The following MED13L variants were observed in gnomAD, a reference collection of about 807,000 sequenced individuals.
The protein encoded by MED13L is mediator complex subunit 13L, also known as mediator of RNA polymerase II transcription subunit 13-like.
Under a neutral mutation model 220.9 loss-of-function variants are expected in MED13L, and 7 were observed. The observed-to-expected ratio is 0.03, with a 90% CI of 0.02 to 0.06. The LOEUF (loss-of-function observed/expected upper bound fraction) is 0.06, where lower values mean the gene tolerates loss of function less well. MED13L is among the 10% of genes least tolerant of loss of function. MED13L has a pLI of 1.00. For missense variants in MED13L, 1,965 were observed against 2,760.5 expected (o/e 0.71, Z 6.46); for synonymous variants, 1,011 against 1,015.2 (o/e 1.00, Z 0.08).
chr12:116,088,368 T>A (rs1215476606), intron 4 of MED13L, among the ~76,000 whole-genome samples: 1 of 152,152 alleles, frequency 6.6e-6, no homozygotes, highest in Non-Finnish European at 1.5e-5. Context: ...TCCTACACTA[T>A]GTGCATGGTG....
chr12:116,142,386 C>G (rs17608137), intron 2 of MED13L, among the ~76,000 whole-genome samples: 21,780 of 152,086 alleles, frequency 0.14, 2,831 homozygotes, highest in East Asian at 0.39. Context: ...TGTTCCCTAT[C>G]CAAGACAAAA....
intron 4 of MED13L, among the ~76,000 whole-genome samples, chr12:116,063,504 C>T (rs1869676994): frequency 6.6e-6 from 1 of 152,174 alleles, no homozygotes; most frequent in South Asian, 2.1e-4. Context: ...GGCAACAGAA[C>T]AAGACCCTGT....
chr12:116,055,299 T>C (rs56213432), intron 4 of MED13L, among the ~76,000 whole-genome samples: 2 of 152,080 alleles, frequency 1.3e-5, no homozygotes, highest in African/African-American at 2.4e-5. Flanking sequence ...AACATCTTAA[T>C]TGTATATTTC....
At chr12:116,133,617 A>C (rs756402978) in intron 2 of MED13L, among the ~76,000 whole-genome samples, 14 of 152,132 alleles carry the variant, frequency 9.2e-5, no homozygotes, top group African/African-American at 1.2e-4. Flanking sequence ...CCCATATTAC[A>C]TGCCTTTTCT....
At chr12:116,247,725 AT>A (rs1260995492) in intron 1 of MED13L, among the ~76,000 whole-genome samples, 1 of 152,188 alleles carries the variant, frequency 6.6e-6, no homozygotes, top group Non-Finnish European at 1.5e-5. Context: ...ATATGTGCTG[AT>A]TCATAAATGT....
intron 2 of MED13L, among the ~76,000 whole-genome samples, chr12:116,151,958 T>A (rs1398102480): frequency 6.6e-6 from 1 of 152,200 alleles, no homozygotes; most frequent in Non-Finnish European, 1.5e-5. Context: ...AAATCCTACT[T>A]ATCTGGACCC....
In MED13L at chr12:116,237,506, T is replaced by G; in HGVS notation, c.272A>C (p.Glu91Ala). ...ATGTATTACACCCACTAGGTTGGGT[T>G]CATCTCCCCACCAGAATATCCATAA... ...KELWIFWWGDEPNLVGVIHHE... is the reference protein window; with the variant it reads ...KELWIFWWGDAPNLVGVIHHE... The change falls in exon 2 of 31, where the codon GAA becomes GCA. Residue 91 changes from glutamate (E) to alanine (A), a missense_variant. Physicochemically the swap from Glu to Ala is moderately radical, Grantham distance 107. Around this residue, in one of 10 missense-constraint regions of MED13L, gnomAD observed 818 missense variants for 1,041.2 expected, o/e 0.79. Transcript: ENST00000281928. The G allele has an allele frequency of 6.2e-7, 1 of 1,614,182 alleles. No individual in the cohort carries two copies. The highest frequency in any genetic ancestry group is 8.5e-7 in the Non-Finnish European group (1 of 1,179,998).
In MED13L at chr12:115,972,945, T is replaced by C. The variant is rs566998735; in HGVS notation, c.5732-709A>G. On this transcript the variant is annotated intron_variant, in intron 25 of 30. Transcript: ENST00000281928. Reference sequence around the variant, plus strand: ...TGACCTCCCTTACACACACGAAGTATGCGCCATTCCTATGCATCACCCCTG... The same window carrying C: ...TGACCTCCCTTACACACACGAAGTACGCGCCATTCCTATGCATCACCCCTG... Among the ~76,000 whole-genome samples, 5 of 152,288 alleles carry C rather than the reference T, an allele frequency of 3.3e-5. No individual in the cohort carries two copies. In the South Asian group the frequency reaches 8.3e-4, roughly 25 times the overall value.
chr12:116,239,278 T>G (rs1303236457), intron 1 of MED13L, among the ~76,000 whole-genome samples: 1 of 152,214 alleles, frequency 6.6e-6, no homozygotes, highest in Non-Finnish European at 1.5e-5. Flanking sequence ...AGTAAAAAGC[T>G]GGCACTGGCA....
chr12:116,159,321 G>A (rs1205727917), intron 2 of MED13L, among the ~76,000 whole-genome samples: 2 of 152,128 alleles, frequency 1.3e-5, no homozygotes, highest in Non-Finnish European at 2.9e-5. Context: ...CAATAGAAGT[G>A]GTTATTTTAG....
chr12:116,058,450 TTAAAA>T (rs1277001238), intron 4 of MED13L, among the ~76,000 whole-genome samples: 3 of 152,186 alleles, frequency 2.0e-5, no homozygotes, highest in African/African-American at 4.8e-5. Flanking sequence ...CATACATAAA[TTAAAA>T]TAAATGTTGA....
intron 2 of MED13L, among the ~76,000 whole-genome samples, chr12:116,119,838 A>AATATATATATATATATATATAT (rs1555213243): frequency 3.2e-5 from 1 of 31,598 alleles, no homozygotes; most frequent in African/African-American, 1.4e-4. Flanking sequence ...AAAAAAAAAA[A>AATATATATATATATATATATAT]ATATATATAT....
At chr12:116,079,816 A>G (rs1190053898) in intron 4 of MED13L, among the ~76,000 whole-genome samples, 2 of 152,106 alleles carry the variant, frequency 1.3e-5, no homozygotes, top group Admixed American at 6.5e-5. Context: ...CCATTTGAAT[A>G]TTTTATCATA....
intron 2 of MED13L, among the ~76,000 whole-genome samples, chr12:116,132,526 A>T (rs904072477): frequency 6.6e-6 from 1 of 152,056 alleles, no homozygotes; most frequent in African/African-American, 2.4e-5. Flanking sequence ...TAAGTATGCT[A>T]TTTCCACATG....
chr12:116,150,959 C>G (rs1051139361), intron 2 of MED13L, among the ~76,000 whole-genome samples: 5 of 152,130 alleles, frequency 3.3e-5, no homozygotes, highest in African/African-American at 1.2e-4. Context: ...CCTAGCACTA[C>G]ACTAGGCCCA....
At chr12:116,031,814 AAG>A (rs1250488848) in intron 4 of MED13L, among the ~76,000 whole-genome samples, 6 of 151,368 alleles carry the variant, frequency 4.0e-5, no homozygotes, top group African/African-American at 7.3e-5. Flanking sequence ...GAAAGAGAGA[AAG>A]AAAAAAAGAA....
At chr12:116,171,323 G>A (rs573988729) in intron 2 of MED13L, among the ~76,000 whole-genome samples, 18 of 152,294 alleles carry the variant, frequency 1.2e-4, no homozygotes, top group African/African-American at 4.1e-4. Context: ...TGCAAAGATA[G>A]GGGCTCCCTA....
At chr12:116,225,770 T>C (rs1455105359) in intron 2 of MED13L, among the ~76,000 whole-genome samples, 4 of 152,216 alleles carry the variant, frequency 2.6e-5, no homozygotes, top group Non-Finnish European at 5.9e-5. Context: ...TCATGTTGAA[T>C]AGGTTCACAC....
intron 2 of MED13L, among the ~76,000 whole-genome samples, chr12:116,186,131 A>G (rs1880885997): frequency 6.6e-6 from 1 of 152,146 alleles, no homozygotes; most frequent in Non-Finnish European, 1.5e-5. Flanking sequence ...CTCCTCCTCA[A>G]AGCCTTCTCA....
Sources: gnomAD v4.1 joint callset for allele counts (sites outside exome capture counted in the v4.1 genomes callset) on GRCh38, gnomAD v4.1.1 for gene constraint, gnomAD v4.1.1 regional missense constraint, MANE v1.5 for transcripts, NCBI Gene and HGNC (gene_info 2026-07-23, HGNC 2026-07-21) for gene names.